LRBA: variants seen among roughly 807,000 people sequenced by gnomAD.
LRBA encodes LPS responsive beige-like anchor protein.
A neutral mutation model predicts 330.0 loss-of-function variants in LRBA; 176 were observed. That is an observed-to-expected ratio of 0.53 (90% CI 0.47 to 0.60). The LOEUF is 0.60. Among genes scored for constraint, LRBA ranks in the 20% least tolerant of loss-of-function variants. LRBA has a pLI of 0.00. For missense variants in LRBA, 3,259 were observed against 3,444.8 expected, an observed-to-expected ratio of 0.95 and a Z score of 1.35; for synonymous variants, 1,230 against 1,193.0, an observed-to-expected ratio of 1.03 and a Z score of -0.64.
intron 2 of LRBA, among the ~76,000 whole-genome samples, chr4:151,003,959 C>A (rs906951165): frequency 1.1e-4 from 17 of 147,830 alleles, no homozygotes; most frequent in African/African-American, 4.3e-4. Flanking sequence ...GCCACCCAGA[C>A]TGGAGTGTGG....
At chr4:150,596,586 C>T (rs1321426850) in intron 38 of LRBA, among the ~76,000 whole-genome samples, 2 of 151,834 alleles carry the variant, frequency 1.3e-5, no homozygotes, top group Non-Finnish European at 3.0e-5. Context: ...CATTGAAGCA[C>T]GGTATTTATC....
intron 46 of LRBA, among the ~76,000 whole-genome samples, chr4:150,422,368 TC>T (rs1748938549): frequency 6.6e-6 from 1 of 152,134 alleles, no homozygotes; most frequent in Non-Finnish European, 1.5e-5. Flanking sequence ...CAGAAGGTTT[TC>T]CCCTTACCCA....
rs1442891204 is a variant in LRBA, at chr4:150,599,140, A to T, written c.5922-9T>A. 5 of 1,613,812 alleles carry T rather than the reference A, an allele frequency of 3.1e-6. No homozygotes were observed. The highest frequency in any genetic ancestry group is 4.2e-6 in the Non-Finnish European group (5 of 1,179,884). On this transcript the variant is annotated splice_polypyrimidine_tract_variant and intron_variant, in intron 37 of 56. Coordinates refer to ENST00000651943, the MANE Select transcript of LRBA (RefSeq NM_001364905.1). ...AGAACTCAAGAGGACGACTACAATG[A>T]AACAGAGAAGCCACATATGTTAGCA...
intron 29 of LRBA, among the ~76,000 whole-genome samples, chr4:150,829,311 C>G (rs1746799371): frequency 6.6e-6 from 1 of 152,116 alleles, no homozygotes; most frequent in African/African-American, 2.4e-5. Context: ...ACTTGTTACC[C>G]CTTCTACGTG....
chr4:150,973,211 A>G (rs1739773774), intron 2 of LRBA, among the ~76,000 whole-genome samples: 1 of 152,160 alleles, frequency 6.6e-6, no homozygotes, highest in Admixed American at 6.5e-5. Context: ...CTTGTTGCCC[A>G]GGCTGGAGTG....
chr4:150,781,131 G>A (rs923277636), intron 34 of LRBA, among the ~76,000 whole-genome samples: 8 of 152,106 alleles, frequency 5.3e-5, no homozygotes, highest in Admixed American at 1.3e-4. Context: ...CGCCTGCCTC[G>A]GCCTCCCAGA....
rs570779400 is a variant in LRBA, at chr4:150,867,581, G to C, written c.2766+90C>G. On this transcript the variant is annotated intron_variant, in intron 22 of 56. Transcript: ENST00000651943. Reference sequence around the variant, plus strand: ...AGAAGATAACTTGCCTTTTTTCCTTGATTTTAAGTATCGAAATTTTTTAAA... The same window carrying C: ...AGAAGATAACTTGCCTTTTTTCCTTCATTTTAAGTATCGAAATTTTTTAAA... The C allele has an allele frequency of 1.0e-3, 1,033 of 1,015,932 alleles. 1 individual carries two copies. Among genetic ancestry groups the C allele is most frequent in the Admixed American group, 1.5e-3 (45 of 29,876 alleles). 62.9% of individuals were successfully genotyped at this position (1,015,932 alleles called of 1,614,324 possible).
intron 30 of LRBA, among the ~76,000 whole-genome samples, chr4:150,817,609 T>A (rs1287194157): frequency 6.6e-6 from 1 of 151,414 alleles, no homozygotes; most frequent in East Asian, 1.9e-4. Flanking sequence ...GCACTGCTAA[T>A]CTGAAATAAT....
intron 36 of LRBA, among the ~76,000 whole-genome samples, chr4:150,705,111 C>T (rs948239532): frequency 1.3e-5 from 2 of 152,122 alleles, no homozygotes; most frequent in African/African-American, 4.8e-5. Flanking sequence ...GCACAGACTT[C>T]AAGTTATTTG....
intron 40 of LRBA, among the ~76,000 whole-genome samples, chr4:150,546,309 C>T (rs1581636153): frequency 6.6e-6 from 1 of 152,170 alleles, no homozygotes; most frequent in African/African-American, 2.4e-5. Flanking sequence ...ACTATTCAAA[C>T]CTTTTCTTAA....
At chr4:150,859,170 C>A (rs935896251) in intron 22 of LRBA, among the ~76,000 whole-genome samples, 2 of 152,096 alleles carry the variant, frequency 1.3e-5, no homozygotes, top group Admixed American at 1.3e-4. Context: ...ACTTTATCCT[C>A]AAATTCACTA....
chr4:150,993,686 G>C (rs563486681), intron 2 of LRBA, among the ~76,000 whole-genome samples: 1 of 152,276 alleles, frequency 6.6e-6, no homozygotes, highest in South Asian at 2.1e-4. Context: ...GGTGGCAAGA[G>C]AAAAAGAGGA....
At chr4:150,395,589 C>A (rs965904809) in intron 47 of LRBA, among the ~76,000 whole-genome samples, 5 of 152,084 alleles carry the variant, frequency 3.3e-5, no homozygotes, top group African/African-American at 1.2e-4. Flanking sequence ...ATAATTATAT[C>A]ATTCCCATGT....
chr4:150,608,819 T>C (rs1170243369), intron 37 of LRBA, among the ~76,000 whole-genome samples: 2 of 152,250 alleles, frequency 1.3e-5, no homozygotes, highest in Non-Finnish European at 2.9e-5. Context: ...CATATTTACC[T>C]ATTCTGGACA....
chr4:150,850,242 C>T (rs535151975), intron 24 of LRBA, among the ~76,000 whole-genome samples: 6 of 151,986 alleles, frequency 3.9e-5, no homozygotes, highest in Middle Eastern at 3.4e-3. Context: ...TACAGACGCC[C>T]GCCACCACTC....
At chr4:150,622,307 G>A (rs1329855758) in intron 37 of LRBA, among the ~76,000 whole-genome samples, 4 of 152,188 alleles carry the variant, frequency 2.6e-5, no homozygotes, top group Non-Finnish European at 4.4e-5. Context: ...GGGAGGCTGA[G>A]GCAGAAGGAT....
At chr4:150,763,161 G>A (rs1362461126) in intron 34 of LRBA, among the ~76,000 whole-genome samples, 1 of 151,838 alleles carries the variant, frequency 6.6e-6, no homozygotes, top group African/African-American at 2.4e-5. Context: ...AACGTTGGAG[G>A]GTAGTCACTG....
intron 34 of LRBA, among the ~76,000 whole-genome samples, chr4:150,780,637 ATATATATATGTG>A (rs1738055882): frequency 6.7e-6 from 1 of 148,960 alleles, no homozygotes; most frequent in African/African-American, 2.5e-5. Context: ...ACACGTATAT[ATATATATATGTG>A]TATATATATA....
intron 40 of LRBA, among the ~76,000 whole-genome samples, chr4:150,574,386 T>C (rs1349578204): frequency 6.6e-6 from 1 of 152,088 alleles, no homozygotes. Context: ...TAAACAAAGA[T>C]GTCAACAAAT....
Sources: gnomAD v4.1 joint callset for allele counts (sites outside exome capture counted in the v4.1 genomes callset) on GRCh38, gnomAD v4.1.1 for gene constraint, MANE v1.5 for transcripts, NCBI Gene and HGNC (gene_info 2026-07-23, HGNC 2026-07-21) for gene names.